PIP4K2B: variants seen among roughly 807,000 people sequenced by gnomAD.
PIP4K2B encodes the protein phosphatidylinositol 5-phosphate 4-kinase type-2 beta.
A neutral mutation model predicts 42.0 loss-of-function variants in PIP4K2B; 3 were observed. The ratio of observed to expected loss-of-function variants is 0.07; its 90% CI spans 0.03 to 0.18. The LOEUF is 0.18. Among genes scored for constraint, PIP4K2B ranks in the 10% least tolerant of loss-of-function variants. PIP4K2B has a pLI of 1.00. For synonymous variants in PIP4K2B, 204 were observed against 210.1 expected (o/e 0.97, Z 0.25); for missense variants, 332 against 562.3 (o/e 0.59, Z 4.14).
intron 3 of PIP4K2B, among the ~76,000 whole-genome samples, chr17:38,782,882 T>C (rs1909786364): frequency 6.6e-6 from 1 of 152,064 alleles, no homozygotes. Context: ...TCTCCACAGA[T>C]GAATGAAAGT....
chr17:38,798,216 C>T (rs4567754), intron 1 of PIP4K2B, among the ~76,000 whole-genome samples: 1 of 152,184 alleles, frequency 6.6e-6, no homozygotes. Flanking sequence ...GCTTGATCCT[C>T]CTTATTCCAA....
intron 1 of PIP4K2B, among the ~76,000 whole-genome samples, chr17:38,791,571 G>A (rs887544824): frequency 1.4e-4 from 21 of 150,746 alleles, no homozygotes; most frequent in South Asian, 6.3e-4. Context: ...CACCATGCCC[G>A]GCTAATTTTG....
At chr17:38,772,314 G>C (rs916933492) in intron 7 of PIP4K2B, among the ~76,000 whole-genome samples, 1 of 152,156 alleles carries the variant, frequency 6.6e-6, no homozygotes, top group Non-Finnish European at 1.5e-5. Context: ...TTTTTAAATA[G>C]TGTACCATTC....
chr17:38,798,641 C>T (rs1180636670), intron 1 of PIP4K2B, among the ~76,000 whole-genome samples: 3 of 152,192 alleles, frequency 2.0e-5, no homozygotes, highest in African/African-American at 4.8e-5. Flanking sequence ...AATAGCCATT[C>T]TTTCTTCTCC....
At chr17:38,780,202 C>T (rs908412176) in intron 4 of PIP4K2B, among the ~76,000 whole-genome samples, 1 of 152,304 alleles carries the variant, frequency 6.6e-6, no homozygotes, top group African/African-American at 2.4e-5. Flanking sequence ...AGAAACGGGG[C>T]GGATGCCAGT....
At chr17:38,790,511 T>G (rs1018724203) in intron 1 of PIP4K2B, among the ~76,000 whole-genome samples, 3 of 152,058 alleles carry the variant, frequency 2.0e-5, no homozygotes, top group Non-Finnish European at 4.4e-5. Context: ...CAGGCTGGAG[T>G]GCAGTGGCAG....
chr17:38,794,444 A>G (rs1379261865), intron 1 of PIP4K2B, among the ~76,000 whole-genome samples: 1 of 151,076 alleles, frequency 6.6e-6, no homozygotes, highest in Non-Finnish European at 1.5e-5. Context: ...GTACACTTAA[A>G]ATTTTGTCAT....
chr17:38,788,214 A>C (rs1910146133), intron 1 of PIP4K2B, among the ~76,000 whole-genome samples: 1 of 151,284 alleles, frequency 6.6e-6, no homozygotes. Context: ...TTATTTATTT[A>C]TTTATAGACA....
chr17:38,790,854 G>C (rs1357918602), intron 1 of PIP4K2B, among the ~76,000 whole-genome samples: 1 of 152,156 alleles, frequency 6.6e-6, no homozygotes, highest in African/African-American at 2.4e-5. Flanking sequence ...ACATGTAGAT[G>C]ATTCACTGTA....
chr17:38,772,937 G>A (rs1171339164), intron 7 of PIP4K2B, among the ~76,000 whole-genome samples: 1 of 152,106 alleles, frequency 6.6e-6, no homozygotes, highest in African/African-American at 2.4e-5. Flanking sequence ...ATTGCATGCT[G>A]AGGTTGCTAA....
At chr17:38,789,914 A>G (rs1910256409) in intron 1 of PIP4K2B, among the ~76,000 whole-genome samples, 1 of 152,018 alleles carries the variant, frequency 6.6e-6, no homozygotes, top group South Asian at 2.1e-4. Flanking sequence ...AGGCATCTAT[A>G]ATGAGAGAAA....
intron 7 of PIP4K2B, among the ~76,000 whole-genome samples, chr17:38,772,871 G>A (rs1909121311): frequency 6.6e-6 from 1 of 152,180 alleles, no homozygotes; most frequent in African/African-American, 2.4e-5. Context: ...GTGAGCCACT[G>A]CACCTGGCCA....
rs1567650668 is a variant in PIP4K2B at position 38,769,626 on chromosome 17, CT to C, written c.*64del. On this transcript the variant is annotated 3_prime_UTR_variant, in exon 10 of 10. Transcript: ENST00000619039. ...TCCCATCTAGCCCAAATACACCCTT[CT>C]CCCTAACTCCCGATCCCCGACCCCA... The C allele has an allele frequency of 2.1e-6, 2 of 945,078 alleles. No individual in the cohort carries two copies. The highest frequency in any genetic ancestry group is 3.2e-5 in the African/African-American group (2 of 62,172). 58.5% of individuals were successfully genotyped at this position (945,078 alleles called of 1,614,324 possible).
chr17:38,786,952 C>A (rs754373331), intron 1 of PIP4K2B, 32 bp from the exon 2 acceptor site: 3 of 1,404,090 alleles, frequency 2.1e-6, no homozygotes, highest in Non-Finnish European at 3.0e-6. Flanking sequence ...AGGCTCTCAG[C>A]CAGGAGGCCA....
chr17:38,789,316 C>G (rs1910217829), intron 1 of PIP4K2B, among the ~76,000 whole-genome samples: 1 of 152,218 alleles, frequency 6.6e-6, no homozygotes, highest in African/African-American at 2.4e-5. Context: ...CTGCCCTTCC[C>G]CACCTCGAGT....
chr17:38,775,695 A>C (rs1909299993), intron 7 of PIP4K2B, among the ~76,000 whole-genome samples: 1 of 151,918 alleles, frequency 6.6e-6, no homozygotes, highest in Admixed American at 6.6e-5. Context: ...GTCTCCACTA[A>C]AAAAATACAA....
At chr17:38,794,114 T>C (rs1179031192) in intron 1 of PIP4K2B, among the ~76,000 whole-genome samples, 33 of 151,992 alleles carry the variant, frequency 2.2e-4, no homozygotes, top group Non-Finnish European at 2.9e-5. Context: ...ATAAAGAAAA[T>C]GTGGTATACA....
intron 1 of PIP4K2B, among the ~76,000 whole-genome samples, chr17:38,788,541 C>T (rs1395669892): frequency 6.6e-6 from 1 of 151,976 alleles, no homozygotes; most frequent in Non-Finnish European, 1.5e-5. Context: ...CTGGCCACTG[C>T]CCCACTTGGA....
intron 7 of PIP4K2B, among the ~76,000 whole-genome samples, chr17:38,774,940 T>TTGTGTG (rs144917475): frequency 2.9e-4 from 43 of 149,606 alleles, no homozygotes; most frequent in African/African-American, 1.1e-3. Context: ...TAATCAGTTT[T>TTGTGTG]TGTGTGTGTG....
Sources: allele counts gnomAD v4.1 joint callset (sites outside exome capture counted in the v4.1 genomes callset), GRCh38; gene constraint gnomAD v4.1.1; transcripts MANE v1.5; gene names NCBI Gene and HGNC (gene_info 2026-07-23, HGNC 2026-07-21).